The following HDAC9 variants were observed in gnomAD, a reference collection of about 807,000 sequenced individuals.
HDAC9 encodes MEF-2 interacting transcription repressor (MITR) protein.
In HDAC9, 41 loss-of-function variants were observed where a neutral mutation model predicts 139.4. That is an observed-to-expected ratio of 0.29 (90% CI 0.23 to 0.38). The LOEUF (loss-of-function observed/expected upper bound fraction) is 0.38, where lower values mean the gene tolerates loss of function less well. HDAC9 is among the 10% of genes least tolerant of loss of function. The pLI, the probability that HDAC9 is intolerant of heterozygous loss-of-function variation, is 1.00. For synonymous variants in HDAC9, 517 were observed against 476.2 expected (o/e 1.09, Z -1.12); for missense variants, 1,147 against 1,297.0 (o/e 0.88, Z 1.78).
intron 12 of HDAC9, among the ~76,000 whole-genome samples, chr7:18,725,605 C>A (rs1034576913): frequency 5.3e-5 from 8 of 152,006 alleles, no homozygotes; most frequent in African/African-American, 1.9e-4. Context: ...CCATGTCTTA[C>A]ATGGGAGCTG....
intron 1 of HDAC9, among the ~76,000 whole-genome samples, chr7:18,349,792 T>C (rs1398464064): frequency 1.3e-5 from 2 of 152,156 alleles, no homozygotes; most frequent in African/African-American, 4.8e-5. Flanking sequence ...CTATGTAGAA[T>C]ATTTAGAATA....
intron 21 of HDAC9, among the ~76,000 whole-genome samples, chr7:18,844,702 C>G (rs2129218458): frequency 6.6e-6 from 1 of 152,264 alleles, no homozygotes; most frequent in African/African-American, 2.4e-5. Context: ...AAGAAGAGCT[C>G]ATTCAAACCC....
chr7:18,763,256 A>G (rs1789542392), intron 15 of HDAC9, among the ~76,000 whole-genome samples: 2 of 152,188 alleles, frequency 1.3e-5, no homozygotes, highest in South Asian at 4.1e-4. Flanking sequence ...AATTGTAAGG[A>G]AGAATTAACA....
chr7:18,826,902 T>A lies in HDAC9; in HGVS notation c.2323-2259T>A, dbSNP rs187133998. 2.6e-5 allele frequency among the ~76,000 whole-genome samples: 4 copies of A among 151,998 alleles called. No individual in the cohort carries two copies. In the East Asian group the frequency reaches 7.7e-4, roughly 29 times the overall value. On this transcript the variant is annotated intron_variant, in intron 17 of 25. Coordinates refer to ENST00000686413, the MANE Select transcript of HDAC9 (RefSeq NM_178425.4). ...ACATCTACCTCTCAATATTATCTGT[T>A]ATATATATTTTTTCCCCATTAGATA...
chr7:18,779,860 C>T (rs968712551), intron 16 of HDAC9, among the ~76,000 whole-genome samples: 2 of 151,970 alleles, frequency 1.3e-5, no homozygotes, highest in African/African-American at 4.8e-5. Flanking sequence ...CCTACCTATC[C>T]AACTAATAGT....
intron 24 of HDAC9, among the ~76,000 whole-genome samples, chr7:18,967,917 C>A (rs1445614529): frequency 6.6e-6 from 1 of 152,182 alleles, no homozygotes; most frequent in African/African-American, 2.4e-5. Flanking sequence ...AATCCCAGCA[C>A]TTTCGGAGGC....
chr7:18,201,424 A>G (rs937792500), intron 2 of HDAC9, among the ~76,000 whole-genome samples: 2 of 152,238 alleles, frequency 1.3e-5, no homozygotes, highest in African/African-American at 4.8e-5. Context: ...TAGAACACAT[A>G]GTGGACCCAA....
intron 1 of HDAC9, among the ~76,000 whole-genome samples, chr7:18,102,646 A>G (rs1238541363): frequency 6.6e-6 from 1 of 152,192 alleles, no homozygotes; most frequent in African/African-American, 2.4e-5. Context: ...TCTTTTCCCC[A>G]CTGTCCTCAG....
intron 2 of HDAC9, among the ~76,000 whole-genome samples, chr7:18,233,197 G>A (rs1161174824): frequency 4.6e-5 from 7 of 152,036 alleles, no homozygotes; most frequent in African/African-American, 7.2e-5. Flanking sequence ...GGCTTTTCCT[G>A]CAGTGAAACA....
chr7:18,088,422 G>A (rs1781935493), intron 1 of HDAC9, among the ~76,000 whole-genome samples: 1 of 152,066 alleles, frequency 6.6e-6, no homozygotes, highest in Admixed American at 6.5e-5. Flanking sequence ...AATCTTGCAG[G>A]CACTGTCGAA....
chr7:18,405,173 T>C (rs2098997), intron 1 of HDAC9, among the ~76,000 whole-genome samples: 152,343 of 152,346 alleles, frequency 1, 76,170 homozygotes, highest in Middle Eastern at 1. Context: ...TATAACAAAA[T>C]AACATTATTT....
At chr7:18,345,920 G>A (rs375900160) in intron 1 of HDAC9, among the ~76,000 whole-genome samples, 1 of 151,928 alleles carries the variant, frequency 6.6e-6, no homozygotes, top group African/African-American at 2.4e-5. Flanking sequence ...TCTCTTCAAG[G>A]AGCCGCATGT....
At chr7:18,331,215 T>C (rs1000899889) in intron 1 of HDAC9, among the ~76,000 whole-genome samples, 4 of 151,684 alleles carry the variant, frequency 2.6e-5, no homozygotes, top group African/African-American at 9.7e-5. Context: ...CATATTCAGA[T>C]TAGTTGTTTA....
At chr7:18,432,564 A>G (rs1790776807) in intron 1 of HDAC9, among the ~76,000 whole-genome samples, 1 of 152,178 alleles carries the variant, frequency 6.6e-6, no homozygotes, top group Non-Finnish European at 1.5e-5. Flanking sequence ...ATGCACTGAT[A>G]TTTGCATCTT....
intron 22 of HDAC9, among the ~76,000 whole-genome samples, chr7:18,895,138 A>G (rs1443555937): frequency 6.6e-6 from 1 of 152,134 alleles, no homozygotes; most frequent in Admixed American, 6.6e-5. Context: ...GCCCATGTAA[A>G]TTTCACATAT....
intron 24 of HDAC9, 104 bp from the exon 25 acceptor site, chr7:18,975,702 G>T: frequency 1.9e-6 from 2 of 1,074,516 alleles, no homozygotes. Context: ...TATAACATGG[G>T]GAATTTTAAC....
chr7:18,904,122 T>C (rs76411398), intron 22 of HDAC9, among the ~76,000 whole-genome samples: 1 of 152,344 alleles, frequency 6.6e-6, no homozygotes, highest in East Asian at 1.9e-4. Context: ...GGATTAAAAA[T>C]ATGTATTTTC....
intron 2 of HDAC9, among the ~76,000 whole-genome samples, chr7:18,498,512 A>C (rs774865591): frequency 3.1e-4 from 47 of 152,124 alleles, no homozygotes; most frequent in Admixed American, 4.6e-4. Flanking sequence ...TAACTGCTAA[A>C]TTAGGGGTAT....
intron 22 of HDAC9, among the ~76,000 whole-genome samples, chr7:18,929,618 C>G (rs2853556): frequency 0.44 from 66,382 of 151,638 alleles, 14,917 homozygotes; most frequent in Non-Finnish European, 0.47. Context: ...AAAATAAAAG[C>G]TTAAGTTACC....
Sources: allele counts gnomAD v4.1 joint callset (sites outside exome capture counted in the v4.1 genomes callset), GRCh38; gene constraint gnomAD v4.1.1; transcripts MANE v1.5; gene names NCBI Gene and HGNC (gene_info 2026-07-23, HGNC 2026-07-21).